Variants in MLXIP observed in about 807,000 individuals in gnomAD.
MLXIP encodes the protein MLX-interacting protein.
A neutral mutation model predicts 87.2 loss-of-function variants in MLXIP; 30 were observed. The ratio of observed to expected loss-of-function variants is 0.34; its 90% CI spans 0.26 to 0.47. The LOEUF (loss-of-function observed/expected upper bound fraction) is 0.47. Ranked by LOEUF, MLXIP falls within the 20% of genes least tolerant of loss-of-function variation. MLXIP has a pLI of 1.00. For missense variants in MLXIP, 1,002 were observed against 1,240.1 expected (o/e 0.81, Z 2.88); for synonymous variants, 530 against 514.0 (o/e 1.03, Z -0.42).
At chr12:122,103,518 G>C (rs1371310415) in intron 1 of MLXIP, among the ~76,000 whole-genome samples, 3 of 125,010 alleles carry the variant, frequency 2.4e-5, no homozygotes, top group Admixed American at 1.7e-4. Context: ...CATTGCACCT[G>C]GCCTTTTTTT....
chr12:122,123,308 C>T (rs927415351), intron 1 of MLXIP, among the ~76,000 whole-genome samples: 1 of 152,224 alleles, frequency 6.6e-6, no homozygotes, highest in African/African-American at 2.4e-5. Flanking sequence ...GCCGTCGACC[C>T]TTTCCGGCCC....
At chr12:122,127,799 C>A in intron 2 of MLXIP, 84 bp from the exon 3 acceptor site, 1 of 1,062,896 alleles carries the variant, frequency 9.4e-7, no homozygotes. Context: ...TGTGGTCTGC[C>A]CTAGGGGAGG....
chr12:122,110,782 AAAAAT>A (rs1250166000), intron 1 of MLXIP, among the ~76,000 whole-genome samples: 2 of 151,626 alleles, frequency 1.3e-5, no homozygotes, highest in Admixed American at 1.3e-4. Context: ...CAAAAGAAAA[AAAAAT>A]AAAAAAAGGG....
intron 1 of MLXIP, among the ~76,000 whole-genome samples, chr12:122,120,724 C>T (rs1353150685): frequency 1.3e-5 from 2 of 152,136 alleles, no homozygotes; most frequent in Non-Finnish European, 2.9e-5. Context: ...TCCACCCCCT[C>T]TTCAGGAGCA....
Position 122,135,123 on chromosome 12 carries a change from G to C in MLXIP, c.1733-101G>C, listed in dbSNP as rs1953062363. 4.1e-6 allele frequency: 6 copies of C among 1,465,692 alleles called. No individual in the cohort carries two copies. Among genetic ancestry groups the C allele is most frequent in the Non-Finnish European group, 5.6e-6 (6 of 1,069,708 alleles). The allele number at this position is 1,465,692 out of a possible 1,614,324, so 90.8% of individuals were successfully genotyped here. On this transcript the variant is annotated intron_variant, in intron 9 of 16. Transcript: ENST00000319080. The surrounding 1 kb of genome is among the most constrained non-coding windows in gnomAD (Gnocchi z 5.3). ...TGGCTTTGTCTTCCTGTCCCCTGGG[G>C]TTGAGAACAAGCTGTCTCACTGGCA... is the stretch of plus-strand genomic sequence containing the variant.
chr12:122,084,961 G>A (rs886893128), intron 1 of MLXIP, among the ~76,000 whole-genome samples: 3 of 152,178 alleles, frequency 2.0e-5, no homozygotes, highest in Non-Finnish European at 4.4e-5. Context: ...AAGCTCAGAC[G>A]TTAATTAGCT....
At position 122,133,813 on chromosome 12, in the gene MLXIP, C is replaced by A; in HGVS notation, c.1558C>A (p.Pro520Thr). ...TTHHPAPSAA[P>T]CGLALSPVTR... ...CCATCACCCTGCCCCGTCAGCGGCCCCTTGTGGGCTGGCACTGTCTCCTGT... is the reference window on the plus strand; with the variant it reads ...CCATCACCCTGCCCCGTCAGCGGCCACTTGTGGGCTGGCACTGTCTCCTGT... Residue 520 changes from proline to threonine, a missense_variant, in exon 9 of 17, where the codon CCT becomes ACT. Around this residue, in one of 3 missense-constraint regions of MLXIP, gnomAD observed 746 missense variants for 897.0 expected, o/e 0.83. Transcript: ENST00000319080. This position sits in a 1 kb window ranked among gnomAD's most constrained non-coding sequence, Gnocchi z 4.9. 6.2e-7 allele frequency: 1 copy of A among 1,613,138 alleles called. No individual in the cohort carries two copies. The highest frequency in any genetic ancestry group is 8.5e-7 in the Non-Finnish European group (1 of 1,179,636).
intron 14 of MLXIP, 111 bp downstream of exon 14, chr12:122,138,662 CAGT>C: frequency 6.7e-7 from 1 of 1,497,752 alleles, no homozygotes; most frequent in Admixed American, 2.1e-5. Flanking sequence ...CTCTTTGCTG[CAGT>C]AGTTCTGCTC....
At chr12:122,130,185 G>A (rs1790785743) in intron 6 of MLXIP, 73 bp downstream of exon 6, 19 of 1,460,034 alleles carry the variant, frequency 1.3e-5, no homozygotes, top group Non-Finnish European at 1.8e-5. Context: ...TCTGGGCCAG[G>A]GTTCCTTCAG....
At position 122,138,853 on chromosome 12, in the gene MLXIP, T is replaced by C; in HGVS notation, c.2423T>C (p.Val808Ala). 6.2e-7 allele frequency: 1 copy of C among 1,614,040 alleles called. No homozygotes were observed. Among genetic ancestry groups the C allele is most frequent in the Non-Finnish European group, 8.5e-7 (1 of 1,179,898 alleles). The part of the protein sequence containing the change: ...QQLLPATGVP[V>A]TRRQFDHMKD... ...CTGCTCCCTGCCACGGGAGTCCCCG[T>C]TACCCGGCGCCAGTTTGATCACATG... Residue 808 changes from valine to alanine, a missense_variant, in exon 15 of 17, where the codon GTT becomes GCT. Physicochemically the swap from Val to Ala is moderately conservative, Grantham distance 64 (BLOSUM62 0). Transcript: ENST00000319080.
chr12:122,121,010 G>T (rs28458381), intron 1 of MLXIP, among the ~76,000 whole-genome samples: 55,773 of 112,262 alleles, frequency 0.5, 14,503 homozygotes, highest in Middle Eastern at 0.65. Context: ...TGCATGCTTG[G>T]TTTTTTTTTT....
chr12:122,081,182 G>C (rs73417656), intron 1 of MLXIP, among the ~76,000 whole-genome samples: 2 of 152,012 alleles, frequency 1.3e-5, no homozygotes, highest in Non-Finnish European at 2.9e-5. Context: ...GGTGCAAGAA[G>C]CTTATCTTGC....
intron 1 of MLXIP, among the ~76,000 whole-genome samples, chr12:122,093,538 TTGGGGGGTGTGTTTG>T (rs1952283947): frequency 8.0e-6 from 1 of 124,568 alleles, no homozygotes; most frequent in African/African-American, 3.1e-5. Context: ...GTGTGTTGGT[TTGGGGGGTGTGTTTG>T]CGGTGCCTGT....
chr12:122,120,263 C>T (rs1222710127), intron 1 of MLXIP, among the ~76,000 whole-genome samples: 2 of 151,958 alleles, frequency 1.3e-5, no homozygotes, highest in East Asian at 1.9e-4. Context: ...TGCCCTGTCA[C>T]CCAGGCTGGA....
chr12:122,124,825 G>A (rs1281015062), intron 1 of MLXIP, among the ~76,000 whole-genome samples: 2 of 152,042 alleles, frequency 1.3e-5, no homozygotes, highest in African/African-American at 4.8e-5. Context: ...GAGGTCAGGG[G>A]TTCAAAACCA....
At position 122,141,898 on chromosome 12, in the gene MLXIP, G is replaced by C; in HGVS notation, c.*86G>C. 1.3e-6 allele frequency: 2 copies of C among 1,562,966 alleles called. No individual in the cohort carries two copies. Among genetic ancestry groups the C allele is most frequent in the Non-Finnish European group, 8.7e-7 (1 of 1,155,362 alleles). ...TAGGCTGCGCCCCCCAGCCCTTCCT[G>C]ACGCTCAGCCTCGGGGCCTCTCTCC... is the stretch of plus-strand genomic sequence containing the variant. On this transcript the variant is annotated 3_prime_UTR_variant, in exon 17 of 17. Transcript: ENST00000319080.
At chr12:122,122,536 T>C (rs1267951079) in intron 1 of MLXIP, among the ~76,000 whole-genome samples, 1 of 151,624 alleles carries the variant, frequency 6.6e-6, no homozygotes, top group East Asian at 2.0e-4. Flanking sequence ...GCTACTTTTT[T>C]CTTTTTCTTT....
At position 122,134,372 on chromosome 12, in the gene MLXIP, T is replaced by A. The variant is rs560776369; in HGVS notation, c.1732+385T>A. The stretch of plus-strand genomic sequence containing the variant: ...ACTATACTCGGCTAATTTTTGTTTG[T>A]TTGTTTGTTTTTTGAGATGGAGTCT... On this transcript the variant is annotated intron_variant, in intron 9 of 16. Transcript: ENST00000319080. The A allele has an allele frequency of 1.7e-4, 35 of 204,388 alleles. 1 individual carries two copies. The highest frequency in any genetic ancestry group is 2.3e-4 in the Non-Finnish European group (23 of 101,700). 12.7% of individuals were successfully genotyped at this position (204,388 alleles called of 1,614,324 possible). A position where few individuals can be genotyped will look rare whatever the true frequency, so the allele number is the denominator to read the frequency against.
Position 122,142,986 on chromosome 12 carries a change from TGA to T in MLXIP, c.*1178_*1179del, listed in dbSNP as rs754314886. On this transcript the variant is annotated 3_prime_UTR_variant, in exon 17 of 17. Coordinates refer to ENST00000319080, the MANE Select transcript of MLXIP (RefSeq NM_014938.6). ...GCTGGGGGCCATTCTGAGCCTGCAGTGAGAGTTTGGCCCAGCCTCAGTCCTTG... is the reference window on the plus strand; with the variant it reads ...GCTGGGGGCCATTCTGAGCCTGCAGTGAGTTTGGCCCAGCCTCAGTCCTTG... 1 of 152,822 alleles carries T rather than the reference TGA, an allele frequency of 6.5e-6. No individual in the cohort carries two copies. The highest frequency in any genetic ancestry group is 1.5e-5 in the Non-Finnish European group (1 of 68,470). The allele number at this position is 152,822 out of a possible 1,614,324, so 9.5% of individuals were successfully genotyped here. A position where few individuals can be genotyped will look rare whatever the true frequency, so the allele number is the denominator to read the frequency against.
Sources: gnomAD v4.1 joint callset for allele counts (sites outside exome capture counted in the v4.1 genomes callset) on GRCh38, gnomAD v4.1.1 for gene constraint, gnomAD v4.1.1 regional missense constraint, Gnocchi (gnomAD v3.1) non-coding constraint, MANE v1.5 for transcripts, NCBI Gene and HGNC (gene_info 2026-07-23, HGNC 2026-07-21) for gene names.